The following KIRREL3 variants were observed in gnomAD, a reference collection of about 807,000 sequenced individuals.
The protein encoded by KIRREL3 is kin of IRRE-like protein 3.
KIRREL3 carries 36 observed loss-of-function variants against 89.7 expected under a neutral mutation model. That is an observed-to-expected ratio of 0.40 (90% CI 0.31 to 0.53). The LOEUF (loss-of-function observed/expected upper bound fraction) is 0.53, where lower values mean the gene tolerates loss of function less well. KIRREL3 is among the 20% of genes least tolerant of loss of function. The probability of loss-of-function intolerance (pLI) is 0.49; values close to 1 mark genes in which losing one functional copy is unlikely to be tolerated. For synonymous variants in KIRREL3, 445 were observed against 441.4 expected, an observed-to-expected ratio of 1.01 and a Z score of -0.10; for missense variants, 864 against 1,056.6, an observed-to-expected ratio of 0.82 and a Z score of 2.53.
rs7950408 is a variant in KIRREL3, at chr11:126,811,116, C to T, written c.55+189339G>A. Among the ~76,000 whole-genome samples the T allele has an allele frequency of 0.013, 2,040 of 152,242 alleles. 49 individuals carry two copies. Among genetic ancestry groups the T allele is most frequent in the African/African-American group, 0.047 (1,939 of 41,554 alleles). The stretch of plus-strand genomic sequence containing the variant: ...AGGGCCAAATAGGAGTGTTGACATC[C>T]CCTTCTAAGCTCCCGCAGCAGCCAG... On this transcript the variant is annotated intron_variant, in intron 1 of 16. Coordinates refer to ENST00000525144, the MANE Select transcript of KIRREL3 (RefSeq NM_032531.4). The surrounding 1 kb of genome is among the most constrained non-coding windows in gnomAD (Gnocchi z 4.3).
At chr11:126,695,274 C>G (rs1394156840) in intron 1 of KIRREL3, among the ~76,000 whole-genome samples, 5 of 152,132 alleles carry the variant, frequency 3.3e-5, no homozygotes, top group African/African-American at 4.8e-5. Flanking sequence ...GAAGCAGCAA[C>G]TTGTCCAAGA....
intron 1 of KIRREL3, among the ~76,000 whole-genome samples, chr11:126,730,932 G>C (rs975451509): frequency 1.3e-5 from 2 of 151,996 alleles, no homozygotes; most frequent in African/African-American, 4.8e-5. Context: ...GTAGAGATGG[G>C]GTTTCACTGT....
rs1040777408 is a variant in KIRREL3 at position 126,909,878 on chromosome 11, ATTT to A, written c.55+90574_55+90576del. ...ATATGGTCTGTGATATGGATATGATATTTTTTTATTGCAATAATAAGTTTCTCA... is the reference window on the plus strand; with the variant it reads ...ATATGGTCTGTGATATGGATATGATATTTTATTGCAATAATAAGTTTCTCA... On this transcript the variant is annotated intron_variant, in intron 1 of 16. Coordinates refer to ENST00000525144, the MANE Select transcript of KIRREL3 (RefSeq NM_032531.4). This position sits in a 1 kb window ranked among gnomAD's most constrained non-coding sequence, Gnocchi z 4.5. 6.6e-6 allele frequency among the ~76,000 whole-genome samples: 1 copy of A among 152,040 alleles called. No individual in the cohort carries two copies. Among genetic ancestry groups the A allele is most frequent in the Non-Finnish European group, 1.5e-5 (1 of 68,006 alleles).
chr11:126,784,020 C>A (rs1452309448), intron 1 of KIRREL3, among the ~76,000 whole-genome samples: 1 of 152,078 alleles, frequency 6.6e-6, no homozygotes, highest in Non-Finnish European at 1.5e-5. Context: ...AAATCCCCAT[C>A]GAGGGACACT....
chr11:126,632,775 ACTT>A (rs1944095090), intron 1 of KIRREL3, among the ~76,000 whole-genome samples: 1 of 5,968 alleles, frequency 1.7e-4, no homozygotes, highest in African/African-American at 8.3e-4. Context: ...ATGCCCAGGC[ACTT>A]GGAGTCTAAA....
In KIRREL3 at chr11:126,610,282, G is replaced by A. The variant is rs1157855349; in HGVS notation, c.56-47370C>T. On this transcript the variant is annotated intron_variant, in intron 1 of 16. Coordinates refer to ENST00000525144, the MANE Select transcript of KIRREL3 (RefSeq NM_032531.4). The surrounding 1 kb of genome is among the most constrained non-coding windows in gnomAD (Gnocchi z 4.6). ...ATTTTTGTATTTTTAATAGAGATGG[G>A]GGTTTCGGCATGTTCGTCAGGCTGG... 6.6e-6 allele frequency among the ~76,000 whole-genome samples: 1 copy of A among 152,092 alleles called. No individual in the cohort carries two copies. The highest frequency in any genetic ancestry group is 1.5e-5 in the Non-Finnish European group (1 of 68,016).
chr11:126,912,820 G>T lies in KIRREL3; in HGVS notation c.55+87635C>A, dbSNP rs931754129. 2.0e-5 allele frequency among the ~76,000 whole-genome samples: 3 copies of T among 152,222 alleles called. No individual in the cohort carries two copies. Among genetic ancestry groups the T allele is most frequent in the Non-Finnish European group, 4.4e-5 (3 of 68,038 alleles). On this transcript the variant is annotated intron_variant, in intron 1 of 16. Coordinates refer to ENST00000525144, the MANE Select transcript of KIRREL3 (RefSeq NM_032531.4). The surrounding 1 kb of genome is among the most constrained non-coding windows in gnomAD (Gnocchi z 4.7). ...CGAAGAGGAACTTGGCGTGATAATG[G>T]AACCTAGTGATGAAATTTCTTGGCC...
intron 1 of KIRREL3, among the ~76,000 whole-genome samples, chr11:126,939,254 C>T (rs975257912): frequency 6.6e-6 from 1 of 152,192 alleles, no homozygotes; most frequent in Admixed American, 6.5e-5. Context: ...CTGAGATGGG[C>T]AACATCATCT....
intron 4 of KIRREL3, among the ~76,000 whole-genome samples, chr11:126,507,192 G>A (rs753717836): frequency 6.6e-6 from 1 of 152,184 alleles, no homozygotes; most frequent in Non-Finnish European, 1.5e-5. Flanking sequence ...TGCATTGGTT[G>A]CCTGAGACTG....
In KIRREL3 at chr11:126,485,489, C is replaced by T. The variant is rs1195132214; in HGVS notation, c.434-12023G>A. 6.6e-6 allele frequency among the ~76,000 whole-genome samples: 1 copy of T among 152,142 alleles called. No homozygotes were observed. The highest frequency in any genetic ancestry group is 1.5e-5 in the Non-Finnish European group (1 of 68,030). ...CTGGCCACGTGACCATGTGCAAATTCTCTGTGCTGGATGATGTTAATGTCA... is the reference window on the plus strand; with the variant it reads ...CTGGCCACGTGACCATGTGCAAATTTTCTGTGCTGGATGATGTTAATGTCA... On this transcript the variant is annotated intron_variant, in intron 4 of 16. Transcript: ENST00000525144. The surrounding 1 kb of genome is among the most constrained non-coding windows in gnomAD (Gnocchi z 5.8).
intron 1 of KIRREL3, among the ~76,000 whole-genome samples, chr11:126,784,203 A>G (rs951681320): frequency 7.2e-5 from 11 of 152,236 alleles, no homozygotes; most frequent in African/African-American, 2.7e-4. Context: ...AAAACTAAGG[A>G]AATGTAAACG....
chr11:126,941,404 C>A (rs1166907200), intron 1 of KIRREL3, among the ~76,000 whole-genome samples: 3 of 152,160 alleles, frequency 2.0e-5, no homozygotes, highest in Non-Finnish European at 4.4e-5. Flanking sequence ...ACTTGGGAAG[C>A]AATTAGAAGT....
At chr11:126,644,584 T>A (rs1318605685) in intron 1 of KIRREL3, among the ~76,000 whole-genome samples, 4 of 152,060 alleles carry the variant, frequency 2.6e-5, no homozygotes, top group Non-Finnish European at 5.9e-5. Flanking sequence ...GGGTGGGGGC[T>A]GAAAGCCTGG....
At position 126,463,141 on chromosome 11, in the gene KIRREL3, G is replaced by A; in HGVS notation, c.742+16C>T. The A allele has an allele frequency of 1.2e-6, 2 of 1,610,066 alleles. No individual in the cohort carries two copies. The highest frequency in any genetic ancestry group is 1.7e-6 in the Non-Finnish European group (2 of 1,177,994). On this transcript the variant is annotated intron_variant, in intron 6 of 16. Coordinates refer to ENST00000525144, the MANE Select transcript of KIRREL3 (RefSeq NM_032531.4). This position sits in a 1 kb window ranked among gnomAD's most constrained non-coding sequence, Gnocchi z 5.9. ...GGCCTGGCAGGGCTGGGTTGGGGGA[G>A]GGGGTGGGTACTCACGCTGGATGTC...
In KIRREL3 at chr11:126,605,106, C is replaced by G. The variant is rs1476763798; in HGVS notation, c.56-42194G>C. 6.6e-6 allele frequency among the ~76,000 whole-genome samples: 1 copy of G among 152,232 alleles called. No homozygotes were observed. The highest frequency in any genetic ancestry group is 2.4e-5 in the African/African-American group (1 of 41,470). The stretch of plus-strand genomic sequence containing the variant: ...GGGTGTGGCCTTTCTTGGCCCTGCC[C>G]TTTCTCCTTGGCTCCTCCCACGCTC... On this transcript the variant is annotated intron_variant, in intron 1 of 16. Transcript: ENST00000525144. This position sits in a 1 kb window ranked among gnomAD's most constrained non-coding sequence, Gnocchi z 5.7.
intron 1 of KIRREL3, among the ~76,000 whole-genome samples, chr11:126,774,864 C>G (rs1403249324): frequency 6.6e-6 from 1 of 152,088 alleles, no homozygotes; most frequent in African/African-American, 2.4e-5. Context: ...GCTTCATATT[C>G]CCTCAAGCTT....
chr11:126,862,501 A>G (rs1944736787), intron 1 of KIRREL3, among the ~76,000 whole-genome samples: 1 of 152,194 alleles, frequency 6.6e-6, no homozygotes, highest in Admixed American at 6.5e-5. Context: ...AGCAGATACC[A>G]GGTGTGCTAG....
chr11:126,690,464 C>T (rs2135130218), intron 1 of KIRREL3, among the ~76,000 whole-genome samples: 1 of 152,030 alleles, frequency 6.6e-6, no homozygotes, highest in Non-Finnish European at 1.5e-5. Flanking sequence ...ACCTCCCTTC[C>T]CCTGGGATTA....
chr11:126,477,433 A>G lies in KIRREL3; in HGVS notation c.434-3967T>C, dbSNP rs1957097333. Among the ~76,000 whole-genome samples the G allele has an allele frequency of 6.6e-6, 1 of 152,156 alleles. No individual in the cohort carries two copies. Among genetic ancestry groups the G allele is most frequent in the Non-Finnish European group, 1.5e-5 (1 of 68,014 alleles). ...AAAGACAATGGGGTCTCGGGTGGAC[A>G]GGTGGCATGGGGAGAGGGAAATTGA... On this transcript the variant is annotated intron_variant, in intron 4 of 16. Coordinates refer to ENST00000525144, the MANE Select transcript of KIRREL3 (RefSeq NM_032531.4). This position sits in a 1 kb window ranked among gnomAD's most constrained non-coding sequence, Gnocchi z 4.8.
Sources: gnomAD v4.1 joint callset for allele counts (sites outside exome capture counted in the v4.1 genomes callset) on GRCh38, gnomAD v4.1.1 for gene constraint, Gnocchi (gnomAD v3.1) non-coding constraint, MANE v1.5 for transcripts, NCBI Gene and HGNC (gene_info 2026-07-23, HGNC 2026-07-21) for gene names.